NELL2: variants seen among roughly 807,000 people sequenced by gnomAD.
NELL2 encodes the protein neural EGFL like 2, also known as protein kinase C-binding protein NELL2.
In NELL2, 41 loss-of-function variants were observed where a neutral mutation model predicts 109.6. That is an observed-to-expected ratio of 0.37 (90% CI 0.29 to 0.49). NELL2 has a LOEUF of 0.49. NELL2 is among the 20% of genes least tolerant of loss of function. NELL2 has a pLI of 0.98. For missense variants in NELL2, 900 were observed against 1,008.3 expected, an observed-to-expected ratio of 0.89 and a Z score of 1.45; for synonymous variants, 355 against 344.7, an observed-to-expected ratio of 1.03 and a Z score of -0.33.
At chr12:44,866,301 G>A (rs1330525874) in intron 2 of NELL2, among the ~76,000 whole-genome samples, 2 of 152,126 alleles carry the variant, frequency 1.3e-5, no homozygotes, top group African/African-American at 4.8e-5. Context: ...TCAGTAACAG[G>A]AGAATTCCAC....
intron 13 of NELL2, among the ~76,000 whole-genome samples, chr12:44,624,547 GTT>G (rs1320518945): frequency 6.6e-6 from 1 of 151,924 alleles, no homozygotes; most frequent in Non-Finnish European, 1.5e-5. Flanking sequence ...GCAAATAGGT[GTT>G]ATTTAAAGGT....
intron 2 of NELL2, among the ~76,000 whole-genome samples, chr12:44,848,617 A>G (rs1439931431): frequency 6.6e-6 from 1 of 152,134 alleles, no homozygotes; most frequent in African/African-American, 2.4e-5. Flanking sequence ...TTTAGTTATG[A>G]GGTCACAAAA....
At chr12:44,669,184 C>A (rs1234462079) in intron 12 of NELL2, among the ~76,000 whole-genome samples, 1 of 152,212 alleles carries the variant, frequency 6.6e-6, no homozygotes, top group Non-Finnish European at 1.5e-5. Flanking sequence ...TGTGCCTACC[C>A]AGAATCAAAG....
chr12:44,744,790 C>A (rs978761917), intron 9 of NELL2, among the ~76,000 whole-genome samples: 6 of 152,198 alleles, frequency 3.9e-5, no homozygotes, highest in Admixed American at 1.3e-4. Context: ...ATAACAGGCT[C>A]TGAAATTAAG....
chr12:44,550,909 T>C (rs777417644), intron 15 of NELL2, among the ~76,000 whole-genome samples: 1 of 152,146 alleles, frequency 6.6e-6, no homozygotes, highest in Non-Finnish European at 1.5e-5. Flanking sequence ...AAGTTTCAGT[T>C]ATGCAAGATA....
At chr12:44,633,203 G>A (rs964360566) in intron 13 of NELL2, among the ~76,000 whole-genome samples, 2 of 152,078 alleles carry the variant, frequency 1.3e-5, no homozygotes, top group African/African-American at 4.8e-5. Flanking sequence ...AGAGAGACAT[G>A]ATAAAAGGGA....
chr12:44,511,104 A>C (rs1940983776), intron 19 of NELL2, among the ~76,000 whole-genome samples: 1 of 152,194 alleles, frequency 6.6e-6, no homozygotes, highest in Admixed American at 6.5e-5. Flanking sequence ...AGTATGTCTT[A>C]GGAAGGGTTT....
intron 16 of NELL2, among the ~76,000 whole-genome samples, chr12:44,527,061 T>C (rs1941817790): frequency 6.6e-6 from 1 of 152,226 alleles, no homozygotes; most frequent in Non-Finnish European, 1.5e-5. Context: ...AAATACTAGG[T>C]ACTCTGAGAA....
At chr12:44,767,607 G>A (rs1297689417) in intron 9 of NELL2, among the ~76,000 whole-genome samples, 1 of 152,048 alleles carries the variant, frequency 6.6e-6, no homozygotes, top group Non-Finnish European at 1.5e-5. Context: ...CATAACAAAT[G>A]TATAAATTAG....
At chr12:44,547,400 G>C (rs757285794) in intron 15 of NELL2, among the ~76,000 whole-genome samples, 4 of 152,078 alleles carry the variant, frequency 2.6e-5, no homozygotes, top group Non-Finnish European at 5.9e-5. Flanking sequence ...TGAATGTCAT[G>C]GAAAAATGCT....
intron 1 of NELL2, among the ~76,000 whole-genome samples, chr12:44,896,776 A>G (rs1274702279): frequency 6.6e-6 from 1 of 152,210 alleles, no homozygotes; most frequent in Non-Finnish European, 1.5e-5. Flanking sequence ...GGAATATTTC[A>G]GATGGATGAC....
At chr12:44,803,648 C>T (rs1453077884) in intron 3 of NELL2, among the ~76,000 whole-genome samples, 1 of 151,920 alleles carries the variant, frequency 6.6e-6, no homozygotes, top group Non-Finnish European at 1.5e-5. Flanking sequence ...AAAACTGATG[C>T]ATACATGCTG....
chr12:44,847,465 T>C (rs1156844175), intron 2 of NELL2, among the ~76,000 whole-genome samples: 1 of 152,054 alleles, frequency 6.6e-6, no homozygotes, highest in Non-Finnish European at 1.5e-5. Context: ...ACAGGGATAA[T>C]ATTTTATAAA....
At chr12:44,747,102 T>C (rs1186601269) in intron 9 of NELL2, among the ~76,000 whole-genome samples, 3 of 152,170 alleles carry the variant, frequency 2.0e-5, no homozygotes, top group South Asian at 2.1e-4. Flanking sequence ...ATATACACCA[T>C]GGAATACTAT....
At chr12:44,894,276 T>G (rs186233600) in intron 1 of NELL2, among the ~76,000 whole-genome samples, 1 of 152,210 alleles carries the variant, frequency 6.6e-6, no homozygotes, top group Non-Finnish European at 1.5e-5. Context: ...TAGGTTGGCT[T>G]GATGACAATG....
chr12:44,523,174 G>A (rs909937854), intron 17 of NELL2, 117 bp downstream of exon 17: 2 of 965,552 alleles, frequency 2.1e-6, no homozygotes, highest in Non-Finnish European at 3.2e-6. Flanking sequence ...TATATTAATT[G>A]TGATGGTAGG....
chr12:44,812,380 C>G (rs1015893271), intron 3 of NELL2, among the ~76,000 whole-genome samples: 6 of 152,114 alleles, frequency 3.9e-5, no homozygotes, highest in Non-Finnish European at 5.9e-5. Flanking sequence ...AACTTGTTCT[C>G]TAAGGACACT....
intron 12 of NELL2, among the ~76,000 whole-genome samples, chr12:44,691,193 T>A (rs1182722522): frequency 1.3e-5 from 2 of 152,182 alleles, no homozygotes; most frequent in South Asian, 4.1e-4. Context: ...AACCCTACAT[T>A]GACCAAGTCT....
chr12:44,678,780 A>G (rs1253349284), intron 12 of NELL2, among the ~76,000 whole-genome samples: 1 of 152,136 alleles, frequency 6.6e-6, no homozygotes. Flanking sequence ...CTAGAAGCCA[A>G]GCAAAATACA....
Sources: allele counts gnomAD v4.1 joint callset (sites outside exome capture counted in the v4.1 genomes callset), GRCh38; gene constraint gnomAD v4.1.1; transcripts MANE v1.5; gene names NCBI Gene and HGNC (gene_info 2026-07-23, HGNC 2026-07-21).